DBN1: variants seen among roughly 807,000 people sequenced by gnomAD.
The protein encoded by DBN1 is drebrin.
Under a neutral mutation model 83.5 loss-of-function variants are expected in DBN1, and 21 were observed. The observed-to-expected ratio is 0.25, with a 90% CI of 0.18 to 0.36. The LOEUF (loss-of-function observed/expected upper bound fraction) is 0.36, where lower values mean the gene tolerates loss of function less well. Ranked by LOEUF, DBN1 falls within the 10% of genes least tolerant of loss-of-function variation. The probability of loss-of-function intolerance (pLI) is 1.00; values close to 1 mark genes in which losing one functional copy is unlikely to be tolerated. For missense variants in DBN1, 874 were observed against 935.7 expected, an observed-to-expected ratio of 0.93 and a Z score of 0.86; for synonymous variants, 381 against 384.9, an observed-to-expected ratio of 0.99 and a Z score of 0.12.
chr5:177,464,480 CT>C (rs1211089184), intron 8 of DBN1, among the ~76,000 whole-genome samples: 2 of 151,702 alleles, frequency 1.3e-5, no homozygotes, highest in Non-Finnish European at 2.9e-5. Flanking sequence ...ATAAACTTGG[CT>C]GGGTGAGGTG....
rs949301350 is a variant in DBN1, at chr5:177,472,716, G to T, written c.86+720C>A. The T allele has an allele frequency of 1.4e-5, 12 of 877,434 alleles. No individual in the cohort carries two copies. In the Admixed American group the frequency reaches 1.8e-4, roughly 13 times the overall value. 54.4% of individuals were successfully genotyped at this position (877,434 alleles called of 1,614,324 possible). A position where few individuals can be genotyped will look rare whatever the true frequency, so the allele number is the denominator to read the frequency against. On this transcript the variant is annotated intron_variant, in intron 1 of 14. Coordinates refer to ENST00000393565, the MANE Select transcript of DBN1 (RefSeq NM_001363541.2). ...CAGCTGGCCCCTTAGGCAGCTCGGT[G>T]CCCCCCAGCCCAGCTGCCTAGTCCC...
chr5:177,466,863 C>A lies in DBN1; in HGVS notation c.708-28G>T. 3.1e-6 allele frequency: 5 copies of A among 1,613,936 alleles called. No homozygotes were observed. Among genetic ancestry groups the A allele is most frequent in the Non-Finnish European group, 4.2e-6 (5 of 1,179,912 alleles). ...GGAACGATAAGCAGCCAGCACCCGT[C>A]AGGGTGCGCCCGGGGGCCCCTGGAG... On this transcript the variant is annotated intron_variant, in intron 7 of 14. Transcript: ENST00000393565. The surrounding 1 kb of genome is among the most constrained non-coding windows in gnomAD (Gnocchi z 4.8).
In DBN1 at chr5:177,467,169, G is replaced by C; in HGVS notation, c.555+86C>G. 2 of 1,595,922 alleles carry C rather than the reference G, an allele frequency of 1.3e-6. No individual in the cohort carries two copies. The highest frequency in any genetic ancestry group is 1.7e-4 in the Middle Eastern group (1 of 5,946). On this transcript the variant is annotated intron_variant, in intron 6 of 14. Transcript: ENST00000393565. The surrounding 1 kb of genome is among the most constrained non-coding windows in gnomAD (Gnocchi z 9.1). ...GCTGGGGGCGGGGCACGTGGCATGG[G>C]CCATGCCACTGCAGTGAGGGACTCA...
chr5:177,470,865 C>T (rs1757797313), intron 1 of DBN1, among the ~76,000 whole-genome samples: 1 of 152,124 alleles, frequency 6.6e-6, no homozygotes, highest in Admixed American at 6.5e-5. Flanking sequence ...CTGGCGAAAC[C>T]ACAGGGAATC....
In DBN1 at chr5:177,456,715, T is replaced by C. The variant is rs1329179478; in HGVS notation, c.*718A>G. The C allele has an allele frequency of 1.2e-5, 1 of 82,222 alleles. No individual in the cohort carries two copies. The highest frequency in any genetic ancestry group is 2.4e-5 in the Non-Finnish European group (1 of 41,848). The allele number at this position is 82,222 out of a possible 1,614,324, so 5.1% of individuals were successfully genotyped here. A position where few individuals can be genotyped will look rare whatever the true frequency, so the allele number is the denominator to read the frequency against. On this transcript the variant is annotated 3_prime_UTR_variant, in exon 15 of 15. Transcript: ENST00000393565. ...AAAAAAAAAAAACAGTTACTAAACG[T>C]GAAAAAGGAACCCAAGCAAAGAGGA...
Position 177,466,839 on chromosome 5 carries a change from G to C in DBN1, c.708-4C>G, listed in dbSNP as rs1757473256. The stretch of plus-strand genomic sequence containing the variant: ...TTCTAAAGTCTGCTGTTTCCTCCTG[G>C]AACGATAAGCAGCCAGCACCCGTCA... On this transcript the variant is annotated splice_polypyrimidine_tract_variant and splice_region_variant and intron_variant, in intron 7 of 14. Coordinates refer to ENST00000393565, the MANE Select transcript of DBN1 (RefSeq NM_001363541.2). This position sits in a 1 kb window ranked among gnomAD's most constrained non-coding sequence, Gnocchi z 4.8. 25 of 1,614,090 alleles carry C rather than the reference G, an allele frequency of 1.5e-5. No individual in the cohort carries two copies. Among genetic ancestry groups the C allele is most frequent in the Non-Finnish European group, 2.1e-5 (25 of 1,179,972 alleles).
At chr5:177,472,416 G>C (rs1368486303) in intron 1 of DBN1, 13 of 1,408,974 alleles carry the variant, frequency 9.2e-6, no homozygotes, top group Non-Finnish European at 1.1e-5. Context: ...AGAGTATTAC[G>C]GGGGGGTTAA....
At chr5:177,472,713 G>T in intron 1 of DBN1, 1 of 879,242 alleles carries the variant, frequency 1.1e-6, no homozygotes, top group Non-Finnish European at 1.4e-6. Context: ...TAGGCAGCTC[G>T]GTGCCCCCCA....
At chr5:177,459,325 T>C (rs549405976) in intron 11 of DBN1, 57 bp from the exon 12 acceptor site, 6 of 1,577,296 alleles carry the variant, frequency 3.8e-6, no homozygotes, top group Non-Finnish European at 5.1e-6. Flanking sequence ...TGAGACAGGA[T>C]TGTCCACCTT....
rs375549389 is a variant in DBN1, at chr5:177,457,967, G to C, written c.1914+91C>G. ...AAATAATGTGGGTCACAGAGAAGGG[G>C]GTACTGGTGCAAGCATGAGGAATGC... is the stretch of plus-strand genomic sequence containing the variant. On this transcript the variant is annotated intron_variant, in intron 13 of 14. Coordinates refer to ENST00000393565, the MANE Select transcript of DBN1 (RefSeq NM_001363541.2). 5.4e-4 allele frequency: 831 copies of C among 1,544,206 alleles called. 5 individuals carry two copies. The African/African-American group carries it at 9.6e-3, about 18-fold the overall frequency.
At chr5:177,462,292 C>A (rs546978912) in intron 8 of DBN1, 53 of 985,406 alleles carry the variant, frequency 5.4e-5, no homozygotes, top group Non-Finnish European at 6.1e-5. Context: ...CAGGCACACC[C>A]GTTCCCACCT....
Position 177,473,418 on chromosome 5 carries a change from C to T in DBN1, c.86+18G>A. 1 of 1,295,080 alleles carries T rather than the reference C, an allele frequency of 7.7e-7. No individual in the cohort carries two copies. The highest frequency in any genetic ancestry group is 1.0e-6 in the Non-Finnish European group (1 of 988,144). The allele number at this position is 1,295,080 out of a possible 1,614,324, so 80.2% of individuals were successfully genotyped here. On this transcript the variant is annotated intron_variant, in intron 1 of 14. Transcript: ENST00000393565. Reference sequence around the variant, plus strand: ...GGCGCGGGGACAAAGGGGCCGGGGGCGGGGGCGGGGGGCTCACCAGTCGGC... The same window carrying T: ...GGCGCGGGGACAAAGGGGCCGGGGGTGGGGGCGGGGGGCTCACCAGTCGGC...
chr5:177,468,584 GT>G (rs1486176104), intron 2 of DBN1: 1 of 433,840 alleles, frequency 2.3e-6, no homozygotes, highest in Admixed American at 3.8e-5. Flanking sequence ...CCCCCAAAGT[GT>G]CCCAGCTGTG....
intron 1 of DBN1, among the ~76,000 whole-genome samples, chr5:177,469,545 G>A (rs2127403103): frequency 6.6e-6 from 1 of 152,358 alleles, no homozygotes; most frequent in South Asian, 2.1e-4. Flanking sequence ...GCCCCGGGGT[G>A]GCCAAGCCTG....
Position 177,458,460 on chromosome 5 carries a change from G to A in DBN1, c.1512C>T (p.Ala504=). The A allele has an allele frequency of 1.2e-6, 2 of 1,614,222 alleles. No homozygotes were observed. The highest frequency in any genetic ancestry group is 1.7e-6 in the Non-Finnish European group (2 of 1,180,022). ...DAADTIETDT[A]TADTTVANNV... ...TGTTGGCAACAGTGGTGTCAGCAGTGGCAGTGTCAGTTTCAATGGTGTCAG... is the reference window on the plus strand; with the variant it reads ...TGTTGGCAACAGTGGTGTCAGCAGTAGCAGTGTCAGTTTCAATGGTGTCAG... The change falls in exon 13 of 15, where the codon GCC becomes GCT. Residue 504 remains alanine (A), a synonymous_variant. Coordinates refer to ENST00000393565, the MANE Select transcript of DBN1 (RefSeq NM_001363541.2).
rs1757451562 is a variant in DBN1 at position 177,466,528 on chromosome 5, G to A, written c.771+244C>T. ...CCTGGTCAGTGAGGGTCTGGGTCTA[G>A]ATGGAGTTTCTCTTCCAATCTAGAG... is the stretch of plus-strand genomic sequence containing the variant. On this transcript the variant is annotated intron_variant, in intron 8 of 14. Transcript: ENST00000393565. The surrounding 1 kb of genome is among the most constrained non-coding windows in gnomAD (Gnocchi z 4.8). Among the ~76,000 whole-genome samples, 1 of 152,232 alleles carries A rather than the reference G, an allele frequency of 6.6e-6. No homozygotes were observed. Among genetic ancestry groups the A allele is most frequent in the Non-Finnish European group, 1.5e-5 (1 of 68,044 alleles).
rs1343495149 is a variant in DBN1 at position 177,459,679 on chromosome 5, G to A, written c.1017C>T (p.Ser339=). The change falls in exon 11 of 15, where the codon TCC becomes TCT. Residue 339 remains serine, a synonymous_variant. Coordinates refer to ENST00000393565, the MANE Select transcript of DBN1 (RefSeq NM_001363541.2). ...SDSGPSSSSS[S]SSSPPRTPFP... is the part of the protein sequence containing the mutation. ...AGGGAGTCCGTGGAGGGGAGGAGGA[G>A]GAAGAGGAGGAGGAGGAAGGCCCAC... 5.7e-6 allele frequency: 9 copies of A among 1,592,610 alleles called. No homozygotes were observed. The highest frequency in any genetic ancestry group is 7.7e-6 in the Non-Finnish European group (9 of 1,170,024).
At position 177,457,187 on chromosome 5, in the gene DBN1, G is replaced by A. The variant is rs915850738; in HGVS notation, c.*246C>T. 2 of 543,640 alleles carry A rather than the reference G, an allele frequency of 3.7e-6. No individual in the cohort carries two copies. The highest frequency in any genetic ancestry group is 6.5e-5 in the Admixed American group (2 of 30,628). 33.7% of individuals were successfully genotyped at this position (543,640 alleles called of 1,614,324 possible). ...AAGGAGGGGTGGAATTTGCAACAGC[G>A]TCTCAACTACCAACGAGAGGAAAGC... On this transcript the variant is annotated 3_prime_UTR_variant, in exon 15 of 15. Transcript: ENST00000393565.
At chr5:177,462,213 C>T (rs528487525) in intron 8 of DBN1, 1 of 985,172 alleles carries the variant, frequency 1.0e-6, no homozygotes, top group Non-Finnish European at 1.2e-6. Context: ...CCGGCCCCCA[C>T]CCCAAGGCTC....
Sources: gnomAD v4.1 joint callset for allele counts (sites outside exome capture counted in the v4.1 genomes callset) on GRCh38, gnomAD v4.1.1 for gene constraint, Gnocchi (gnomAD v3.1) non-coding constraint, MANE v1.5 for transcripts, NCBI Gene and HGNC (gene_info 2026-07-23, HGNC 2026-07-21) for gene names.